The following MAD1L1 variants were observed in gnomAD, a reference collection of about 807,000 sequenced individuals.
The protein encoded by MAD1L1 is mitotic spindle assembly checkpoint protein MAD1.
Under a neutral mutation model 96.9 loss-of-function variants are expected in MAD1L1, and 95 were observed. The ratio of observed to expected loss-of-function variants is 0.98; its 90% CI spans 0.83 to 1.16. The LOEUF is 1.16. MAD1L1 is among the 50% of genes most tolerant of loss of function. The probability of loss-of-function intolerance (pLI) is 0.00; values close to 1 mark genes in which losing one functional copy is unlikely to be tolerated. For synonymous variants in MAD1L1, 473 were observed against 396.6 expected (o/e 1.19, Z -2.29); for missense variants, 1,007 against 954.4 (o/e 1.06, Z -0.73).
chr7:2,221,091 C>G, intron 5 of MAD1L1: 1 of 1,511,848 alleles, frequency 6.6e-7, no homozygotes, highest in Non-Finnish European at 9.0e-7. Context: ...GCCACCTCGG[C>G]TTAGACATGA....
chr7:2,155,627 T>C (rs1373545352), intron 10 of MAD1L1, among the ~76,000 whole-genome samples: 1 of 152,230 alleles, frequency 6.6e-6, no homozygotes, highest in Non-Finnish European at 1.5e-5. Flanking sequence ...TGTTACAGCA[T>C]GTGGCAGACT....
chr7:2,056,877 G>A (rs754725822), intron 12 of MAD1L1, among the ~76,000 whole-genome samples: 22 of 152,298 alleles, frequency 1.4e-4, no homozygotes, highest in Admixed American at 4.6e-4. Context: ...ATTGCCACGG[G>A]GAAGCCGGGG....
intron 18 of MAD1L1, among the ~76,000 whole-genome samples, chr7:1,822,111 G>C (rs531172152): frequency 1.3e-5 from 2 of 152,236 alleles, no homozygotes; most frequent in Non-Finnish European, 2.9e-5. Flanking sequence ...CACTAAGTGA[G>C]TCCACGAAGG....
chr7:2,170,368 C>T (rs1790652674), intron 10 of MAD1L1, among the ~76,000 whole-genome samples: 1 of 152,130 alleles, frequency 6.6e-6, no homozygotes, highest in Admixed American at 6.5e-5. Flanking sequence ...ACTAAGTGTT[C>T]GGGGCTGGAG....
intron 12 of MAD1L1, among the ~76,000 whole-genome samples, chr7:2,019,500 T>C (rs1782686371): frequency 6.6e-6 from 1 of 152,208 alleles, no homozygotes; most frequent in Admixed American, 6.5e-5. Context: ...ACCCTCCTTG[T>C]GCAAAACGGG....
intron 18 of MAD1L1, chr7:1,847,871 GGTCCCTGT>G (rs2128638059): frequency 2.7e-6 from 1 of 372,478 alleles, no homozygotes; most frequent in Non-Finnish European, 5.4e-6. Flanking sequence ...GGGGACAGAG[GGTCCCTGT>G]GACCTGCAAT....
At chr7:2,047,376 T>C (rs901423526) in intron 12 of MAD1L1, among the ~76,000 whole-genome samples, 5 of 152,208 alleles carry the variant, frequency 3.3e-5, no homozygotes, top group East Asian at 1.9e-4. Context: ...TGGTGTTTTA[T>C]TGGGGGCAGT....
chr7:2,087,174 G>A (rs1033942182), intron 11 of MAD1L1, among the ~76,000 whole-genome samples: 1 of 152,132 alleles, frequency 6.6e-6, no homozygotes, highest in African/African-American at 2.4e-5. Context: ...TGGCTGTGGT[G>A]GGGGATGCTC....
intron 17 of MAD1L1, among the ~76,000 whole-genome samples, chr7:1,899,934 C>T (rs997163809): frequency 5.9e-5 from 9 of 152,222 alleles, no homozygotes; most frequent in African/African-American, 1.9e-4. Flanking sequence ...GGTTTCAGCT[C>T]GGCTCTGCCT....
intron 10 of MAD1L1, among the ~76,000 whole-genome samples, chr7:2,161,282 T>A (rs1790108076): frequency 6.6e-6 from 1 of 151,768 alleles, no homozygotes; most frequent in Admixed American, 6.6e-5. Flanking sequence ...GGTTTTCGTA[T>A]TTTTTGGTGG....
chr7:1,842,404 G>A (rs1199953069), intron 18 of MAD1L1, among the ~76,000 whole-genome samples: 4 of 152,236 alleles, frequency 2.6e-5, no homozygotes, highest in African/African-American at 7.2e-5. Context: ...GGCCTCAGCC[G>A]TCACAGCCGG....
chr7:2,040,923 A>G (rs1469854352), intron 12 of MAD1L1, among the ~76,000 whole-genome samples: 1 of 152,210 alleles, frequency 6.6e-6, no homozygotes, highest in African/African-American at 2.4e-5. Flanking sequence ...TAAACCTTCT[A>G]CGTGATGTGT....
At chr7:2,192,234 G>A (rs558190468) in intron 10 of MAD1L1, among the ~76,000 whole-genome samples, 16 of 151,640 alleles carry the variant, frequency 1.1e-4, no homozygotes, top group South Asian at 2.1e-4. Context: ...GGGTTCAAGC[G>A]ATTCTCCTGC....
chr7:1,903,757 A>T (rs1179432949), intron 17 of MAD1L1, among the ~76,000 whole-genome samples: 1 of 127,404 alleles, frequency 7.8e-6, no homozygotes, highest in Non-Finnish European at 1.6e-5. Flanking sequence ...ACGCTCTTGC[A>T]GAATTCATGA....
At position 1,815,878 on chromosome 7, in the gene MAD1L1, G is replaced by T. The variant is rs1184667441; in HGVS notation, c.*192C>A. 9 of 618,476 alleles carry T rather than the reference G, an allele frequency of 1.5e-5. No homozygotes were observed. Among genetic ancestry groups the T allele is most frequent in the Non-Finnish European group, 2.2e-5 (8 of 360,632 alleles). 38.3% of individuals were successfully genotyped at this position (618,476 alleles called of 1,614,324 possible). ...ACACACCAGGCTCCGGGACGCATGG[G>T]GTCTGCACGTGGAGAGGGTGCTGGC... On this transcript the variant is annotated 3_prime_UTR_variant, in exon 19 of 19. Coordinates refer to ENST00000265854, the MANE Select transcript of MAD1L1 (RefSeq NM_001013836.2).
intron 11 of MAD1L1, among the ~76,000 whole-genome samples, chr7:2,082,786 C>A (rs1405222049): frequency 1.3e-5 from 2 of 152,266 alleles, no homozygotes; most frequent in African/African-American, 4.8e-5. Flanking sequence ...ATTGATGGAG[C>A]CCGGCGCCTG....
chr7:2,118,460 G>A (rs886931082), intron 11 of MAD1L1, among the ~76,000 whole-genome samples: 7 of 152,380 alleles, frequency 4.6e-5, no homozygotes, highest in East Asian at 1.9e-4. Flanking sequence ...GAGCTTGGCC[G>A]TGTGGGCGCG....
chr7:2,085,651 A>G (rs1047754400), intron 11 of MAD1L1, among the ~76,000 whole-genome samples: 1 of 152,156 alleles, frequency 6.6e-6, no homozygotes, highest in Non-Finnish European at 1.5e-5. Context: ...TGCAGCATAC[A>G]TCAGCCTCCA....
At chr7:2,177,831 A>G (rs142511343) in intron 10 of MAD1L1, among the ~76,000 whole-genome samples, 28 of 152,346 alleles carry the variant, frequency 1.8e-4, no homozygotes, top group Middle Eastern at 3.4e-3. Flanking sequence ...ATCTTCAACA[A>G]GAAGGGCAGT....
Sources: allele counts gnomAD v4.1 joint callset (sites outside exome capture counted in the v4.1 genomes callset), GRCh38; gene constraint gnomAD v4.1.1; transcripts MANE v1.5; gene names NCBI Gene and HGNC (gene_info 2026-07-23, HGNC 2026-07-21).